The following KLF7 variants were observed in gnomAD, a reference collection of about 807,000 sequenced individuals.
KLF7 encodes the protein Krueppel-like factor 7.
Under a neutral mutation model 27.3 loss-of-function variants are expected in KLF7, and 2 were observed. That is an observed-to-expected ratio of 0.07 (90% CI 0.03 to 0.23). KLF7 has a LOEUF of 0.23. KLF7 is among the 10% of genes least tolerant of loss of function. KLF7 has a pLI of 1.00. For synonymous variants in KLF7, 165 were observed against 162.4 expected, an observed-to-expected ratio of 1.02 and a Z score of -0.12; for missense variants, 221 against 394.1, an observed-to-expected ratio of 0.56 and a Z score of 3.72.
intron 2 of KLF7, among the ~76,000 whole-genome samples, chr2:207,095,373 A>T (rs1422545908): frequency 6.6e-6 from 1 of 152,198 alleles, no homozygotes; most frequent in Non-Finnish European, 1.5e-5. Context: ...AACAACTAAA[A>T]AACAATAACT....
At chr2:207,139,741 G>C (rs2077887276) in intron 1 of KLF7, among the ~76,000 whole-genome samples, 1 of 152,128 alleles carries the variant, frequency 6.6e-6, no homozygotes, top group Non-Finnish European at 1.5e-5. Flanking sequence ...CCTTAATTAT[G>C]CAATTTCCGA....
At chr2:207,151,215 T>A (rs775736379) in intron 1 of KLF7, among the ~76,000 whole-genome samples, 1 of 152,160 alleles carries the variant, frequency 6.6e-6, no homozygotes, top group Admixed American at 6.5e-5. Context: ...TGAAGCCCTG[T>A]GGAACTCAGC....
chr2:207,124,476 G>C lies in KLF7; in HGVS notation c.103-72C>G, dbSNP rs547077050. On this transcript the variant is annotated intron_variant, in intron 1 of 3. Coordinates refer to ENST00000309446, the MANE Select transcript of KLF7 (RefSeq NM_003709.4). ...AACACCATGAGGCCACACGTTGACA[G>C]GCAGAGGGGGAAGGTGCAGAGAGAA... is the stretch of plus-strand genomic sequence containing the variant. 4 of 1,411,618 alleles carry C rather than the reference G, an allele frequency of 2.8e-6. No individual in the cohort carries two copies. In the African/African-American group the frequency reaches 5.7e-5, roughly 20 times the overall value. The allele number at this position is 1,411,618 out of a possible 1,614,324, so 87.4% of individuals were successfully genotyped here. A position where few individuals can be genotyped will look rare whatever the true frequency, so the allele number is the denominator to read the frequency against.
intron 1 of KLF7, 77 bp from the exon 2 acceptor site, chr2:207,124,481 A>C (rs969929595): frequency 2.2e-6 from 3 of 1,389,618 alleles, no homozygotes; most frequent in African/African-American, 2.9e-5. Context: ...TGACAGGCAG[A>C]GGGGGAAGGT....
intron 1 of KLF7, among the ~76,000 whole-genome samples, chr2:207,139,353 C>T (rs2077875837): frequency 6.6e-6 from 1 of 152,158 alleles, no homozygotes; most frequent in African/African-American, 2.4e-5. Context: ...CTGTAATAGG[C>T]AGCAAAGATT....
Position 207,103,098 on chromosome 2 carries a change from T to C in KLF7, c.734-14517A>G, listed in dbSNP as rs565723488. ...GCCCGCCACCACACCCAGCTAATTT[T>C]TGTATTTTTAGTAGAGACAGGGTTT... On this transcript the variant is annotated intron_variant, in intron 2 of 3. Transcript: ENST00000309446. 1.6e-3 allele frequency among the ~76,000 whole-genome samples: 242 copies of C among 152,192 alleles called. 1 individual carries two copies. The highest frequency in any genetic ancestry group is 5.5e-3 in the African/African-American group (229 of 41,508).
At chr2:207,116,735 T>C (rs1312640724) in intron 2 of KLF7, among the ~76,000 whole-genome samples, 3 of 152,220 alleles carry the variant, frequency 2.0e-5, no homozygotes, top group East Asian at 3.8e-4. Context: ...TTACACAGAC[T>C]TCTCATGACC....
chr2:207,155,712 T>C (rs543235232), intron 1 of KLF7, among the ~76,000 whole-genome samples: 2 of 152,174 alleles, frequency 1.3e-5, no homozygotes, highest in Non-Finnish European at 1.5e-5. Flanking sequence ...TTAAGCAGCA[T>C]CTCATCACTC....
chr2:207,168,656 C>T (rs1473650741), upstream of KLF7, among the ~76,000 whole-genome samples: 2 of 152,194 alleles, frequency 1.3e-5, no homozygotes, highest in East Asian at 3.8e-4. Context: ...TGCAAAAGGA[C>T]TCAACCAAAA....
chr2:207,081,342 T>A, intron 3 of KLF7, 78 bp from the exon 4 acceptor site: 1 of 1,223,126 alleles, frequency 8.2e-7, no homozygotes, highest in Non-Finnish European at 1.2e-6. Flanking sequence ...AGGAAATGAT[T>A]TCCCTTACTT....
intron 2 of KLF7, among the ~76,000 whole-genome samples, chr2:207,108,644 T>C (rs1238193323): frequency 6.6e-6 from 1 of 152,242 alleles, no homozygotes; most frequent in Admixed American, 6.5e-5. Context: ...GCTATTCTTC[T>C]TCACTGTGTG....
chr2:207,146,262 A>C lies in KLF7; in HGVS notation c.102+19205T>G, dbSNP rs985396964. On this transcript the variant is annotated intron_variant, in intron 1 of 3. Transcript: ENST00000309446. ...ATTGAAGCTACCATGTATATTCCCC[A>C]CATTCTCTCCATTTTCTCTTGCAGG... is the stretch of plus-strand genomic sequence containing the variant. Among the ~76,000 whole-genome samples the C allele has an allele frequency of 1.3e-5, 2 of 152,078 alleles. 1 individual carries two copies. Among genetic ancestry groups the C allele is most frequent in the South Asian group, 4.1e-4 (2 of 4,820 alleles).
chr2:207,142,510 C>T (rs551843232), intron 1 of KLF7, among the ~76,000 whole-genome samples: 8 of 152,288 alleles, frequency 5.3e-5, no homozygotes, highest in South Asian at 2.1e-4. Flanking sequence ...GAAATACATG[C>T]AATTCAAGAT....
At position 207,078,453 on chromosome 2, in the gene KLF7, A is replaced by C. The variant is rs182914400; in HGVS notation, c.*2760T>G. On this transcript the variant is annotated 3_prime_UTR_variant, in exon 4 of 4. Coordinates refer to ENST00000309446, the MANE Select transcript of KLF7 (RefSeq NM_003709.4). ...AATAGGGAGCAAACAAGCAATGATT[A>C]CTCTTTTGCATTTTTTAAACTTTCT... is the stretch of plus-strand genomic sequence containing the variant. The C allele has an allele frequency of 1.2e-4, 18 of 152,292 alleles. No individual in the cohort carries two copies. The highest frequency in any genetic ancestry group is 6.2e-4 in the South Asian group (3 of 4,834). 9.4% of individuals were successfully genotyped at this position (152,292 alleles called of 1,614,324 possible).
At chr2:207,150,873 T>G (rs2078223430) in intron 1 of KLF7, among the ~76,000 whole-genome samples, 1 of 151,954 alleles carries the variant, frequency 6.6e-6, no homozygotes, top group African/African-American at 2.4e-5. Context: ...ATTCTTTTCC[T>G]GCAAATGTTC....
chr2:207,113,771 T>C (rs2077103931), intron 2 of KLF7, among the ~76,000 whole-genome samples: 1 of 152,128 alleles, frequency 6.6e-6, no homozygotes, highest in African/African-American at 2.4e-5. Context: ...AGTCTGTCTG[T>C]TGCATTTTCC....
upstream of KLF7, among the ~76,000 whole-genome samples, chr2:207,168,508 TCTGTA>T (rs1008986108): frequency 2.0e-5 from 3 of 152,174 alleles, no homozygotes; most frequent in African/African-American, 7.2e-5. Context: ...CCCACACTGT[TCTGTA>T]CTGAGCTTTG....
chr2:207,083,737 G>C (rs1377145127), intron 3 of KLF7, among the ~76,000 whole-genome samples: 1 of 152,204 alleles, frequency 6.6e-6, no homozygotes. Context: ...ACATTAAACA[G>C]GGAGATTATT....
chr2:207,088,077 A>T (rs547045333), intron 3 of KLF7, among the ~76,000 whole-genome samples: 8 of 152,338 alleles, frequency 5.3e-5, no homozygotes, highest in African/African-American at 1.9e-4. Context: ...TTATTACTAT[A>T]GATGAGGGAA....
Sources: allele counts gnomAD v4.1 joint callset (sites outside exome capture counted in the v4.1 genomes callset), GRCh38; gene constraint gnomAD v4.1.1; transcripts MANE v1.5; gene names NCBI Gene and HGNC (gene_info 2026-07-23, HGNC 2026-07-21).